Variants in SSTR3 observed in about 807,000 individuals in gnomAD.
SSTR3 encodes the protein somatostatin receptor type 3.
For missense variants in SSTR3, 504 were observed against 604.7 expected, an observed-to-expected ratio of 0.83 and a Z score of 1.75; for synonymous variants, 281 against 269.2, an observed-to-expected ratio of 1.04 and a Z score of -0.43.
At chr22:37,220,413 G>A in the SSTR3 span, among the ~76,000 whole-genome samples, 1 of 152,154 alleles carries the variant, frequency 6.6e-6, no homozygotes, top group Non-Finnish European at 1.5e-5. Flanking sequence ...CTACCTGGGT[G>A]TGGTGGCACA....
In SSTR3 at chr22:37,211,948, C is replaced by T. The variant is rs966648685; in HGVS notation, c.-160G>A. Reference sequence around the variant, plus strand: ...CTAACTAGGGTCCCCACAAGGCACCCACTTCTAGACCGCTTGCGGGCTCAG... The same window carrying T: ...CTAACTAGGGTCCCCACAAGGCACCTACTTCTAGACCGCTTGCGGGCTCAG... On this transcript the variant is annotated 5_prime_UTR_variant, in exon 1 of 2. Coordinates refer to ENST00000610913, the MANE Select transcript of SSTR3 (RefSeq NM_001051.5). 18 of 985,570 alleles carry T rather than the reference C, an allele frequency of 1.8e-5. No homozygotes were observed. The highest frequency in any genetic ancestry group is 2.0e-5 in the Non-Finnish European group (17 of 830,026). The allele number at this position is 985,570 out of a possible 1,614,324, so 61.1% of individuals were successfully genotyped here.
chr22:37,216,594 T>G (rs1213332889), upstream of SSTR3, among the ~76,000 whole-genome samples: 1 of 152,232 alleles, frequency 6.6e-6, no homozygotes, highest in Non-Finnish European at 1.5e-5. Context: ...TCAGGGACGA[T>G]TTCGTCCTGG....
At chr22:37,217,760 G>A in the SSTR3 span, among the ~76,000 whole-genome samples, 2 of 152,108 alleles carry the variant, frequency 1.3e-5, no homozygotes, top group African/African-American at 4.8e-5. Flanking sequence ...CTGGAGTGCA[G>A]TGGCACAATC....
Position 37,212,226 on chromosome 22 carries a change from A to T in SSTR3, c.-438T>A. On this transcript the variant is annotated 5_prime_UTR_variant, in exon 1 of 2. Coordinates refer to ENST00000610913, the MANE Select transcript of SSTR3 (RefSeq NM_001051.5). Reference sequence around the variant, plus strand: ...GGTGGAGAAAGAGAGAGAGAGAGAAAGAGGGAGGGGGAGAGAGAGAGAGGG... The same window carrying T: ...GGTGGAGAAAGAGAGAGAGAGAGAATGAGGGAGGGGGAGAGAGAGAGAGGG... 1.3e-6 allele frequency: 1 copy of T among 780,550 alleles called. No individual in the cohort carries two copies. The highest frequency in any genetic ancestry group is 1.6e-6 in the Non-Finnish European group (1 of 644,018). 48.4% of individuals were successfully genotyped at this position (780,550 alleles called of 1,614,324 possible).
Position 37,205,213 on chromosome 22 carries a change from G to A in SSTR3, c.*1334C>T, listed in dbSNP as rs536970520. ...GCCTGAGCCCTCTTGGCAGCACTCTGAGGCCCCTCAGGGACGCAGGCCCTG... is the reference window on the plus strand; with the variant it reads ...GCCTGAGCCCTCTTGGCAGCACTCTAAGGCCCCTCAGGGACGCAGGCCCTG... On this transcript the variant is annotated 3_prime_UTR_variant, in exon 2 of 2. Transcript: ENST00000610913. The A allele has an allele frequency of 6.6e-6, 1 of 152,602 alleles. No homozygotes were observed. Among genetic ancestry groups the A allele is most frequent in the East Asian group, 1.9e-4 (1 of 5,180 alleles). The allele number at this position is 152,602 out of a possible 1,614,324, so 9.5% of individuals were successfully genotyped here.
Position 37,206,912 on chromosome 22 carries a change from C to A in SSTR3, c.892G>T (p.Val298Leu). The A allele has an allele frequency of 6.2e-7, 1 of 1,613,594 alleles. No individual in the cohort carries two copies. Among genetic ancestry groups the A allele is most frequent in the African/African-American group, 1.3e-5 (1 of 75,072 alleles). Reference sequence around the variant, plus strand: ...CTGTTGGCATAGGGCAGCGCCACCACCAGGAAGTAGAGCCCAAAGAAGGCA... The same window carrying A: ...CTGTTGGCATAGGGCAGCGCCACCAACAGGAAGTAGAGCCCAAAGAAGGCA... ...EPAFFGLYFL[V>L]VALPYANSCA... The change falls in exon 2 of 2, where the codon GTG becomes TTG. Residue 298 changes from valine (V) to leucine (L), a missense_variant. Transcript: ENST00000610913.
rs113507829 is a variant in SSTR3 at position 37,207,713 on chromosome 22, C to T, written c.91G>A (p.Val31Met). 1.4e-5 allele frequency: 22 copies of T among 1,543,022 alleles called. No homozygotes were observed. Among genetic ancestry groups the T allele is most frequent in the African/African-American group, 6.9e-5 (5 of 72,838 alleles). Residue 31 changes from valine to methionine, a missense_variant, in exon 2 of 2, where the codon GTG (valine) becomes ATG (methionine). Coordinates refer to ENST00000610913, the MANE Select transcript of SSTR3 (RefSeq NM_001051.5). ...CCTGCCGGGCTTGGGCCCGCCGACA[C>T]GTTGCCCAGGGTGGCATCTGGGGGC... ...AWPPDATLGNVSAGPSPAGLA... is the reference protein window; with the variant it reads ...AWPPDATLGNMSAGPSPAGLA...
In SSTR3 at chr22:37,207,640, C is replaced by G. The variant is rs779577740; in HGVS notation, c.164G>C (p.Cys55Ser). 2 of 1,599,628 alleles carry G rather than the reference C, an allele frequency of 1.3e-6. No homozygotes were observed. The highest frequency in any genetic ancestry group is 1.7e-6 in the Non-Finnish European group (2 of 1,170,504). The change falls in exon 2 of 2, where the codon TGC becomes TCC. Residue 55 changes from cysteine to serine, a missense_variant. Cys to Ser is a moderately radical substitution (Grantham distance 112). Transcript: ENST00000610913. ...CGAGTTACCCAGCAGGCCCACCACG[C>G]ACACCACCAGGTAGACCAGGGGGAT... is the stretch of plus-strand genomic sequence containing the variant. ...VLIPLVYLVV[C>S]VVGLLGNSLV...
At position 37,206,748 on chromosome 22, in the gene SSTR3, A is replaced by ATCC. The variant is rs772445401; in HGVS notation, c.1053_1055dup (p.Glu351dup). ...TCTCCTCCCCATCCTCCTCCTCCTC[A>ATCC]TCCTCCTCCTCAGTCTTCTCCGGGG... On this transcript the variant is annotated inframe_insertion, in exon 2 of 2. Coordinates refer to ENST00000610913, the MANE Select transcript of SSTR3 (RefSeq NM_001051.5). 6 of 1,606,700 alleles carry ATCC rather than the reference A, an allele frequency of 3.7e-6. No homozygotes were observed. In the Admixed American group the frequency reaches 1.0e-4, roughly 27 times the overall value.
chr22:37,212,843 C>T (rs1047402183), upstream of SSTR3, among the ~76,000 whole-genome samples: 7 of 151,978 alleles, frequency 4.6e-5, no homozygotes, highest in East Asian at 1.9e-4. Context: ...CTGGGGAGGC[C>T]GGGTGGGGGT....
chr22:37,217,309 C>A (rs575481919), upstream of SSTR3, among the ~76,000 whole-genome samples: 1 of 138,272 alleles, frequency 7.2e-6, no homozygotes, highest in African/African-American at 2.5e-5. Flanking sequence ...CATTGTGTAA[C>A]TTAAGCTAAT....
rs778455559 is a variant in SSTR3, at chr22:37,207,020, C to T, written c.784G>A (p.Val262Met). Residue 262 changes from valine (V) to methionine (M), a missense_variant, in exon 2 of 2, where the codon GTG becomes ATG. Transcript: ENST00000610913. ...ERRVTRMVVA[V>M]VALFVLCWMP... ...CAGCAGAGCACGAAGAGCGCCACCACGGCCACCACCATGCGCGTGACCCTG... is the reference window on the plus strand; with the variant it reads ...CAGCAGAGCACGAAGAGCGCCACCATGGCCACCACCATGCGCGTGACCCTG... 9 of 1,612,640 alleles carry T rather than the reference C, an allele frequency of 5.6e-6. No homozygotes were observed. The highest frequency in any genetic ancestry group is 1.3e-5 in the African/African-American group (1 of 75,056).
Position 37,206,560 on chromosome 22 carries a change from A to T in SSTR3, c.1244T>A (p.Ile415Asn). 1 of 1,606,466 alleles carries T rather than the reference A, an allele frequency of 6.2e-7. No individual in the cohort carries two copies. The highest frequency in any genetic ancestry group is 1.7e-4 in the Middle Eastern group (1 of 6,036). The change falls in exon 2 of 2, where the codon ATC becomes AAC. Residue 415 changes from isoleucine to asparagine, a missense_variant. Ile to Asn is a moderately radical substitution (Grantham distance 149). Coordinates refer to ENST00000610913, the MANE Select transcript of SSTR3 (RefSeq NM_001051.5). ...STGEKSSTMR[I>N]SYL The stretch of plus-strand genomic sequence containing the variant: ...TTCCCCAGGCCCCTACAGGTAGCTG[A>T]TGCGCATCGTGCTGGACTTCTCCCC...
Position 37,207,605 on chromosome 22 carries a change from A to T in SSTR3, c.199T>A (p.Tyr67Asn). The change falls in exon 2 of 2, where the codon TAT becomes AAT. Residue 67 changes from tyrosine (Y) to asparagine (N), a missense_variant. Coordinates refer to ENST00000610913, the MANE Select transcript of SSTR3 (RefSeq NM_001051.5). The stretch of plus-strand genomic sequence containing the variant: ...CTGGCCGTGTGCCGCAGGACCACAT[A>T]GATGACCAGCGAGTTACCCAGCAGG... The part of the protein sequence containing the change: ...VGLLGNSLVI[Y>N]VVLRHTASPS... 1 of 1,608,572 alleles carries T rather than the reference A, an allele frequency of 6.2e-7. No homozygotes were observed. The highest frequency in any genetic ancestry group is 8.5e-7 in the Non-Finnish European group (1 of 1,175,880).
At position 37,207,748 on chromosome 22, in the gene SSTR3, G is replaced by C. The variant is rs772935218; in HGVS notation, c.56C>G (p.Ser19Cys). 1 of 1,522,798 alleles carries C rather than the reference G, an allele frequency of 6.6e-7. No homozygotes were observed. The highest frequency in any genetic ancestry group is 2.3e-5 in the East Asian group (1 of 43,936). 94.3% of individuals were successfully genotyped at this position (1,522,798 alleles called of 1,614,324 possible). A position where few individuals can be genotyped will look rare whatever the true frequency, so the allele number is the denominator to read the frequency against. Residue 19 changes from serine to cysteine, a missense_variant, in exon 2 of 2, where the codon TCC becomes TGC. By Grantham distance (112) the Ser-to-Cys change is moderately radical. Transcript: ENST00000610913. ...VSTTSEPENA[S>C]SAWPPDATLG... ...GGTGGCATCTGGGGGCCAGGCCGAG[G>C]AGGCATTCTCAGGTTCTGAGGTCGT...
rs767852546 is a variant in SSTR3, at chr22:37,206,717, C to T, written c.1087G>A (p.Glu363Lys). 3.7e-6 allele frequency: 6 copies of T among 1,608,746 alleles called. No individual in the cohort carries two copies. The highest frequency in any genetic ancestry group is 5.1e-6 in the Non-Finnish European group (6 of 1,179,904). Residue 363 changes from glutamate to lysine, a missense_variant, in exon 2 of 2, where the codon GAG becomes AAG. Coordinates refer to ENST00000610913, the MANE Select transcript of SSTR3 (RefSeq NM_001051.5). ...TTCATCTCCTTCCCCTTGCCCCCCTCCCTGCTCTCCTCCCCATCCTCCTCC... is the reference window on the plus strand; with the variant it reads ...TTCATCTCCTTCCCCTTGCCCCCCTTCCTGCTCTCCTCCCCATCCTCCTCC... Reference protein sequence around the residue: ...EEEEDGEESREGGKGKEMNGR... With the variant: ...EEEEDGEESRKGGKGKEMNGR...
chr22:37,207,359 T>G lies in SSTR3; in HGVS notation c.445A>C (p.Thr149Pro). 1.2e-6 allele frequency: 2 copies of G among 1,608,684 alleles called. No homozygotes were observed. Among genetic ancestry groups the G allele is most frequent in the Non-Finnish European group, 1.7e-6 (2 of 1,177,236 alleles). The change falls in exon 2 of 2, where the codon ACC becomes CCC. Residue 149 changes from threonine (T) to proline (P), a missense_variant. By Grantham distance (38) the Thr-to-Pro change is conservative. Coordinates refer to ENST00000610913, the MANE Select transcript of SSTR3 (RefSeq NM_001051.5). ...VDRYLAVVHP[T>P]RSARWRTAPV... ...GCTGTGCGCCAGCGGGCCGAGCGGG[T>G]GGGATGTACCACGGCCAGGTAGCGG...
Position 37,212,289 on chromosome 22 carries a change from A to C in SSTR3, c.-501T>G. ...GACCGTGAGTAGGAGGAAAGGCAGA[A>C]TGAGGGGGAGTGATGAGAGATGCGT... On this transcript the variant is annotated 5_prime_UTR_variant, in exon 1 of 2. Transcript: ENST00000610913. 4.1e-6 allele frequency: 1 copy of C among 242,592 alleles called. No homozygotes were observed. Among genetic ancestry groups the C allele is most frequent in the Non-Finnish European group, 6.6e-6 (1 of 152,086 alleles). 15.0% of individuals were successfully genotyped at this position (242,592 alleles called of 1,614,324 possible).
upstream of SSTR3, among the ~76,000 whole-genome samples, chr22:37,217,472 G>C (rs1372113837): frequency 6.6e-6 from 1 of 151,890 alleles, no homozygotes; most frequent in East Asian, 1.9e-4. Flanking sequence ...TCAGTTCTGA[G>C]ACACATTTTT....
Sources: allele counts gnomAD v4.1 joint callset (sites outside exome capture counted in the v4.1 genomes callset), GRCh38; gene constraint gnomAD v4.1.1; transcripts MANE v1.5; gene names NCBI Gene and HGNC (gene_info 2026-07-23, HGNC 2026-07-21).